Variants in MET observed in about 807,000 individuals in gnomAD.
MET encodes the protein MET proto-oncogene, receptor tyrosine kinase.
A neutral mutation model predicts 133.1 loss-of-function variants in MET; 48 were observed. That is an observed-to-expected ratio of 0.36 (90% CI 0.29 to 0.46). The LOEUF (loss-of-function observed/expected upper bound fraction) is 0.46, where lower values mean the gene tolerates loss of function less well. Ranked by LOEUF, MET falls within the 20% of genes least tolerant of loss-of-function variation. MET has a pLI of 1.00. For synonymous variants in MET, 628 were observed against 616.5 expected, an observed-to-expected ratio of 1.02 and a Z score of -0.28; for missense variants, 1,442 against 1,695.9, an observed-to-expected ratio of 0.85 and a Z score of 2.63.
intron 2 of MET, among the ~76,000 whole-genome samples, chr7:116,716,584 A>G (rs188098558): frequency 6.8e-4 from 103 of 152,342 alleles, no homozygotes; most frequent in African/African-American, 2.2e-3. Context: ...TCAGATCTCA[A>G]ACTTACGGAG....
rs539336123 is a variant in MET, at chr7:116,756,682, T to A, written c.1863-755T>A. 3.3e-4 allele frequency among the ~76,000 whole-genome samples: 50 copies of A among 152,342 alleles called. 2 individuals are homozygous for A. In the South Asian group the frequency reaches 0.01, roughly 31 times the overall value. ...GAAAGCCATCACAATTTCATTATCA[T>A]TTAAGTAATTTAAATAAGCATGTAC... On this transcript the variant is annotated intron_variant, in intron 6 of 20. Transcript: ENST00000397752.
intron 5 of MET, among the ~76,000 whole-genome samples, chr7:116,749,031 G>T (rs559109952): frequency 3.9e-5 from 6 of 152,304 alleles, no homozygotes; most frequent in African/African-American, 1.4e-4. Context: ...GAGGTACAAA[G>T]AGGAGCTGGT....
chr7:116,735,777 G>C (rs1253860544), intron 3 of MET, among the ~76,000 whole-genome samples: 1 of 134,758 alleles, frequency 7.4e-6, no homozygotes, highest in African/African-American at 2.7e-5. Context: ...TGTTAGCTTT[G>C]GCTTTTTTTT....
At chr7:116,731,296 T>C (rs983859953) in intron 2 of MET, among the ~76,000 whole-genome samples, 6 of 152,182 alleles carry the variant, frequency 3.9e-5, no homozygotes, top group African/African-American at 1.4e-4. Flanking sequence ...CTCTAACATT[T>C]ATTATTATTC....
chr7:116,745,511 G>A (rs932241914), intron 5 of MET, among the ~76,000 whole-genome samples: 3 of 152,154 alleles, frequency 2.0e-5, no homozygotes, highest in African/African-American at 4.8e-5. Flanking sequence ...GAGGCATCAT[G>A]CTACCTGACT....
At chr7:116,717,271 T>C (rs1792279805) in intron 2 of MET, among the ~76,000 whole-genome samples, 1 of 152,218 alleles carries the variant, frequency 6.6e-6, no homozygotes, top group Non-Finnish European at 1.5e-5. Context: ...GTCAACATCT[T>C]AGACATCTCA....
intron 11 of MET, among the ~76,000 whole-genome samples, chr7:116,769,076 G>C (rs1794741583): frequency 6.6e-6 from 1 of 152,112 alleles, no homozygotes; most frequent in African/African-American, 2.4e-5. Flanking sequence ...CAAGAAGGAT[G>C]AAAGTAAACT....
chr7:116,751,753 A>G (rs1793928914), intron 5 of MET, among the ~76,000 whole-genome samples: 2 of 152,154 alleles, frequency 1.3e-5, no homozygotes, highest in African/African-American at 4.8e-5. Context: ...GGATGCAGTT[A>G]TCATATCTTG....
chr7:116,765,193 A>G (rs1794574408), intron 11 of MET, among the ~76,000 whole-genome samples: 1 of 147,620 alleles, frequency 6.8e-6, no homozygotes, highest in South Asian at 2.2e-4. Flanking sequence ...CCAGCTACTC[A>G]GGAGGCTGAG....
At chr7:116,741,212 T>G (rs757210861) in intron 5 of MET, 187 bp downstream of exon 5, 5 of 682,404 alleles carry the variant, frequency 7.3e-6, no homozygotes, top group Non-Finnish European at 1.2e-5. Flanking sequence ...GCTTTATCCC[T>G]CGGGCAGGGA....
chr7:116,689,950 T>TG (rs1796719846), intron 1 of MET, among the ~76,000 whole-genome samples: 1 of 152,004 alleles, frequency 6.6e-6, no homozygotes, highest in Non-Finnish European at 1.5e-5. Context: ...GCTTCTGTCT[T>TG]GGGGGGCAAT....
chr7:116,682,220 C>A (rs1012342113), intron 1 of MET, among the ~76,000 whole-genome samples: 2 of 152,128 alleles, frequency 1.3e-5, no homozygotes, highest in African/African-American at 4.8e-5. Context: ...AAGGTGACAG[C>A]CCTTGAATCT....
At position 116,757,478 on chromosome 7, in the gene MET, A is replaced by G. The variant is rs773826297; in HGVS notation, c.1904A>G (p.Asn635Ser). Residue 635 changes from asparagine (N) to serine (S), a missense_variant, in exon 7 of 21, where the codon AAT becomes AGT. Asn to Ser is a conservative substitution (Grantham distance 46). This residue lies in a region of MET where 762 missense variants were observed against 792.4 expected (regional missense o/e 0.96). Coordinates refer to ENST00000397752, the MANE Select transcript of MET (RefSeq NM_000245.4). ...TVGPAMNKHF[N>S]MSIIISNGHG... Reference sequence around the variant, plus strand: ...GGTCCTGCCATGAATAAGCATTTCAATATGTCCATAATTATTTCAAATGGC... The same window carrying G: ...GGTCCTGCCATGAATAAGCATTTCAGTATGTCCATAATTATTTCAAATGGC... 4.3e-6 allele frequency: 7 copies of G among 1,613,846 alleles called. No homozygotes were observed. The Admixed American group carries it at 5.0e-5, about 12-fold the overall frequency.
intron 10 of MET, 135 bp from the exon 11 acceptor site, chr7:116,762,915 T>A: frequency 1.3e-6 from 1 of 772,270 alleles, no homozygotes; most frequent in South Asian, 1.6e-5. Flanking sequence ...ATGTGTAGTC[T>A]AACATTAGGA....
At chr7:116,697,057 G>A (rs1796989273) in intron 1 of MET, among the ~76,000 whole-genome samples, 1 of 152,130 alleles carries the variant, frequency 6.6e-6, no homozygotes, top group Admixed American at 6.6e-5. Flanking sequence ...AGGAGAATAT[G>A]CACTCATTTC....
rs757402499 is a variant in MET at position 116,699,793 on chromosome 7, G to A, written c.709G>A (p.Val237Ile). 1 of 1,614,100 alleles carries A rather than the reference G, an allele frequency of 6.2e-7. No homozygotes were observed. The highest frequency in any genetic ancestry group is 8.5e-7 in the Non-Finnish European group (1 of 1,179,968). Residue 237 changes from valine to isoleucine, a missense_variant, in exon 2 of 21, where the codon GTT becomes ATT. By Grantham distance (29) the Val-to-Ile change is conservative. Around this residue, in one of 6 missense-constraint regions of MET, gnomAD observed 762 missense variants for 792.4 expected, o/e 0.96. Transcript: ENST00000397752. ...TTTGACGGACCAGTCCTACATTGAT[G>A]TTTTACCTGAGTTCAGAGATTCTTA... ...MFLTDQSYID[V>I]LPEFRDSYPI...
chr7:116,706,473 G>A (rs990882775), intron 2 of MET, among the ~76,000 whole-genome samples: 1 of 152,096 alleles, frequency 6.6e-6, no homozygotes, highest in African/African-American at 2.4e-5. Flanking sequence ...CATGATTAGC[G>A]ATTTCTGGAA....
In MET at chr7:116,781,413, C is replaced by T. The variant is rs371609255; in HGVS notation, c.3523-575C>T. The stretch of plus-strand genomic sequence containing the variant: ...ATAATAAAACTACATTTTAAAACAC[C>T]TCCATTTTCCCATCTGGAAAATGGA... On this transcript the variant is annotated intron_variant, in intron 17 of 20. Coordinates refer to ENST00000397752, the MANE Select transcript of MET (RefSeq NM_000245.4). 3.3e-5 allele frequency among the ~76,000 whole-genome samples: 5 copies of T among 152,274 alleles called. No homozygotes were observed. In the East Asian group the frequency reaches 7.7e-4, roughly 23 times the overall value.
At chr7:116,783,164 C>A in intron 18 of MET, 140 bp from the exon 19 acceptor site, 1 of 924,788 alleles carries the variant, frequency 1.1e-6, no homozygotes, top group Non-Finnish European at 1.7e-6. Context: ...TAGTGTTAGT[C>A]AATAGAGGCC....
Sources: gnomAD v4.1 joint callset for allele counts (sites outside exome capture counted in the v4.1 genomes callset) on GRCh38, gnomAD v4.1.1 for gene constraint, gnomAD v4.1.1 regional missense constraint, MANE v1.5 for transcripts, NCBI Gene and HGNC (gene_info 2026-07-23, HGNC 2026-07-21) for gene names.